Variants in RIN3 observed in about 807,000 individuals in gnomAD.
The protein encoded by RIN3 is RAB5 interacting protein 3.
RIN3 carries 54 observed loss-of-function variants against 76.3 expected under a neutral mutation model. That is an observed-to-expected ratio of 0.71 (90% confidence interval 0.57 to 0.89). RIN3 has a LOEUF of 0.89. RIN3 is among the 40% of genes least tolerant of loss of function. The probability of loss-of-function intolerance (pLI) is 0.00; values close to 1 mark genes in which losing one functional copy is unlikely to be tolerated. For synonymous variants in RIN3, 576 were observed against 564.0 expected (o/e 1.02, Z -0.30); for missense variants, 1,256 against 1,322.1 (o/e 0.95, Z 0.78).
chr14:92,615,066 C>T (rs904740134), intron 3 of RIN3, among the ~76,000 whole-genome samples: 1 of 152,050 alleles, frequency 6.6e-6, no homozygotes, highest in South Asian at 2.1e-4. Context: ...TGGTCTTGAA[C>T]TCCTGACCTT....
intron 1 of RIN3, among the ~76,000 whole-genome samples, chr14:92,538,278 G>A (rs1421101639): frequency 6.6e-6 from 1 of 152,212 alleles, no homozygotes; most frequent in South Asian, 2.1e-4. Context: ...CCTTAGGGAC[G>A]ATTTTTAATG....
chr14:92,629,310 C>G (rs1474638289), intron 4 of RIN3, among the ~76,000 whole-genome samples: 2 of 152,154 alleles, frequency 1.3e-5, no homozygotes, highest in African/African-American at 4.8e-5. Flanking sequence ...GCATCTTGAA[C>G]AAAGAATTAG....
At chr14:92,625,865 C>T (rs1471620251) in intron 4 of RIN3, among the ~76,000 whole-genome samples, 2 of 152,180 alleles carry the variant, frequency 1.3e-5, no homozygotes, top group East Asian at 1.9e-4. Context: ...TCTCTCCTCA[C>T]ATATACTTTT....
chr14:92,618,621 T>C (rs910091103), intron 4 of RIN3, among the ~76,000 whole-genome samples: 1 of 152,208 alleles, frequency 6.6e-6, no homozygotes, highest in African/African-American at 2.4e-5. Context: ...AAAGCTTTTA[T>C]ACAACCAGAA....
At chr14:92,554,901 C>T (rs964336731) in intron 1 of RIN3, among the ~76,000 whole-genome samples, 1 of 152,054 alleles carries the variant, frequency 6.6e-6, no homozygotes, top group African/African-American at 2.4e-5. Context: ...CCAGCCTGGG[C>T]GACAGAGCAA....
Position 92,513,966 on chromosome 14 carries a change from G to T in RIN3, c.34G>T (p.Asp12Tyr). 8.0e-7 allele frequency: 1 copy of T among 1,244,714 alleles called. No homozygotes were observed. The highest frequency in any genetic ancestry group is 3.4e-5 in the South Asian group (1 of 29,728). 77.1% of individuals were successfully genotyped at this position (1,244,714 alleles called of 1,614,324 possible). The change falls in exon 1 of 10, where the codon GAC becomes TAC. Residue 12 changes from aspartate to tyrosine, a missense_variant. Asp to Tyr is a radical substitution (Grantham distance 160). Coordinates refer to ENST00000216487, the MANE Select transcript of RIN3 (RefSeq NM_024832.5). ...IRHAGAPARG[D>Y]PTGPVPVVGK... is the part of the protein sequence containing the mutation. ...ACACGCCGGGGCGCCCGCGCGCGGG[G>T]ACCCCACGGGGTAAGTCCGGGCGGC...
chr14:92,653,426 G>A (rs984251470), intron 6 of RIN3, among the ~76,000 whole-genome samples: 2 of 152,112 alleles, frequency 1.3e-5, no homozygotes, highest in African/African-American at 2.4e-5. Flanking sequence ...TCCAGGGCCC[G>A]GCGAGATCTG....
rs151212263 is a variant in RIN3 at position 92,652,667 on chromosome 14, G to T, written c.1618G>T (p.Val540Leu). Reference protein sequence around the residue: ...SLASLSDSLGVSVMATDQDSY... With the variant: ...SLASLSDSLGLSVMATDQDSY... ...GGCCTCCCTCTCAGACAGCTTGGGG[G>T]TGTCTGTCATGGCCACCGACCAGGA... Residue 540 changes from valine to leucine, a missense_variant, in exon 6 of 10, where the codon GTG becomes TTG. Val to Leu is a conservative substitution (Grantham distance 32). Transcript: ENST00000216487. The surrounding 1 kb of genome is among the most constrained non-coding windows in gnomAD (Gnocchi z 6.4). 1.1e-4 allele frequency: 174 copies of T among 1,612,454 alleles called. 1 individual carries two copies. Among genetic ancestry groups the T allele is most frequent in the Non-Finnish European group, 1.5e-4 (172 of 1,180,006 alleles).
intron 1 of RIN3, among the ~76,000 whole-genome samples, chr14:92,529,253 CTTT>C (rs869262910): frequency 7.0e-6 from 1 of 143,138 alleles, no homozygotes. Context: ...CTTTTTTTTT[CTTT>C]TTTTTTTTTT....
At chr14:92,515,169 A>C in intron 1 of RIN3, 1 of 687,680 alleles carries the variant, frequency 1.5e-6, no homozygotes, top group Non-Finnish European at 2.7e-6. Flanking sequence ...GCCAGCCCGG[A>C]AATTCTGGAT....
At chr14:92,629,707 A>G (rs1566876106) in intron 4 of RIN3, among the ~76,000 whole-genome samples, 1 of 152,220 alleles carries the variant, frequency 6.6e-6, no homozygotes, top group Non-Finnish European at 1.5e-5. Flanking sequence ...TTTTATAGCC[A>G]TTCTCTTTTT....
intron 4 of RIN3, among the ~76,000 whole-genome samples, chr14:92,621,026 T>C (rs1381558514): frequency 1.3e-5 from 2 of 152,162 alleles, no homozygotes; most frequent in African/African-American, 2.4e-5. Context: ...CGGTTGCTCA[T>C]GCCTGTAATC....
chr14:92,639,500 G>A (rs1215146752), intron 4 of RIN3, among the ~76,000 whole-genome samples: 3 of 152,200 alleles, frequency 2.0e-5, no homozygotes, highest in Admixed American at 6.5e-5. Flanking sequence ...GAAGGAGCGG[G>A]AGACATGGCT....
At chr14:92,529,162 C>T (rs1473007456) in intron 1 of RIN3, among the ~76,000 whole-genome samples, 1 of 152,206 alleles carries the variant, frequency 6.6e-6, no homozygotes. Context: ...GGGATACTTA[C>T]AGTCAATTCT....
At chr14:92,587,405 C>T (rs1430823253) in intron 3 of RIN3, among the ~76,000 whole-genome samples, 1 of 149,026 alleles carries the variant, frequency 6.7e-6, no homozygotes, top group African/African-American at 2.4e-5. Context: ...GGCTGCAGTA[C>T]AGTAATGCCC....
chr14:92,631,540 T>G (rs529373635), intron 4 of RIN3, among the ~76,000 whole-genome samples: 4 of 152,018 alleles, frequency 2.6e-5, no homozygotes, highest in African/African-American at 9.7e-5. Flanking sequence ...AACTACAGAC[T>G]CCTCCCAGGA....
At chr14:92,676,157 A>C (rs929142522) in intron 7 of RIN3, among the ~76,000 whole-genome samples, 1 of 151,668 alleles carries the variant, frequency 6.6e-6, no homozygotes, top group African/African-American at 2.4e-5. Flanking sequence ...ATATGATGTG[A>C]ATTTGTCTGT....
intron 1 of RIN3, among the ~76,000 whole-genome samples, chr14:92,520,139 A>T (rs1896555986): frequency 6.6e-6 from 1 of 152,234 alleles, no homozygotes; most frequent in African/African-American, 2.4e-5. Context: ...GTACATGTTT[A>T]ATGGAATGAA....
chr14:92,527,257 T>G (rs142543245), intron 1 of RIN3, among the ~76,000 whole-genome samples: 9,948 of 151,812 alleles, frequency 0.066, 1,094 homozygotes, highest in African/African-American at 0.23. Context: ...TTTCACCGTG[T>G]TAGCCACAAT....
Sources: allele counts gnomAD v4.1 joint callset (sites outside exome capture counted in the v4.1 genomes callset), GRCh38; gene constraint gnomAD v4.1.1; non-coding constraint Gnocchi (gnomAD v3.1); transcripts MANE v1.5; gene names NCBI Gene and HGNC (gene_info 2026-07-23, HGNC 2026-07-21).